Variants in NDST4 observed in about 807,000 individuals in gnomAD.
The protein encoded by NDST4 is N-deacetylase and N-sulfotransferase 4, also known as N-heparan sulfate sulfotransferase 4.
Under a neutral mutation model 100.8 loss-of-function variants are expected in NDST4, and 63 were observed. The ratio of observed to expected loss-of-function variants is 0.62; its 90% CI spans 0.51 to 0.77. The LOEUF is 0.77. NDST4 is among the 30% of genes least tolerant of loss of function. The pLI is 0.00. For missense variants in NDST4, 943 were observed against 1,018.4 expected, an observed-to-expected ratio of 0.93 and a Z score of 1.01; for synonymous variants, 377 against 361.8, an observed-to-expected ratio of 1.04 and a Z score of -0.48.
At chr4:115,003,242 TAA>T (rs980188538) in intron 2 of NDST4, among the ~76,000 whole-genome samples, 2 of 152,012 alleles carry the variant, frequency 1.3e-5, no homozygotes, top group Non-Finnish European at 2.9e-5. Context: ...AACTTAAAGT[TAA>T]AAAGAAGAAG....
Position 114,829,956 on chromosome 4 carries a change from C to A in NDST4, c.2397-64G>T. ...AGAATTTTCAGTGAGACAGCCTCAC[C>A]AATTGAATAAAGGAAATGTATTTTT... On this transcript the variant is annotated intron_variant, in intron 12 of 13. Transcript: ENST00000264363. 3 of 1,099,164 alleles carry A rather than the reference C, an allele frequency of 2.7e-6. 1 individual carries two copies. In the South Asian group the frequency reaches 4.1e-5, roughly 15 times the overall value. The allele number at this position is 1,099,164 out of a possible 1,614,324, so 68.1% of individuals were successfully genotyped here. A position where few individuals can be genotyped will look rare whatever the true frequency, so the allele number is the denominator to read the frequency against.
At chr4:115,039,465 C>T (rs1032608787) in intron 2 of NDST4, among the ~76,000 whole-genome samples, 6 of 151,808 alleles carry the variant, frequency 4.0e-5, no homozygotes, top group Admixed American at 2.0e-4. Context: ...TGGTCAAATC[C>T]GAATTAAGCA....
In NDST4 at chr4:114,966,999, T is replaced by G. The variant is rs1273855071; in HGVS notation, c.1221+3431A>C. On this transcript the variant is annotated intron_variant, in intron 4 of 13. Transcript: ENST00000264363. Reference sequence around the variant, plus strand: ...TTTTATCAGAACTTGTTACTAGCAGTCAAGACTAAAATTTACTCCACCAAT... The same window carrying G: ...TTTTATCAGAACTTGTTACTAGCAGGCAAGACTAAAATTTACTCCACCAAT... Among the ~76,000 whole-genome samples the G allele has an allele frequency of 2.0e-5, 3 of 152,226 alleles. No individual in the cohort carries two copies. The South Asian group carries it at 6.2e-4, about 32-fold the overall frequency.
At chr4:115,041,735 T>C (rs1728355941) in intron 2 of NDST4, among the ~76,000 whole-genome samples, 1 of 147,492 alleles carries the variant, frequency 6.8e-6, no homozygotes. Flanking sequence ...TATTTCTTCC[T>C]GACACATCAC....
intron 2 of NDST4, among the ~76,000 whole-genome samples, chr4:115,039,439 G>GAA (rs33984444): frequency 0.049 from 7,275 of 149,078 alleles, 501 homozygotes; most frequent in African/African-American, 0.15. Flanking sequence ...TACACTGAAA[G>GAA]AAAAAAAAAA....
chr4:114,918,478 C>A (rs1725221034), intron 6 of NDST4, among the ~76,000 whole-genome samples: 1 of 151,028 alleles, frequency 6.6e-6, no homozygotes, highest in African/African-American at 2.4e-5. Context: ...ACCAGCATGG[C>A]ACATGTATAC....
chr4:114,890,751 G>T lies in NDST4; in HGVS notation c.1537-19801C>A, dbSNP rs541487090. On this transcript the variant is annotated intron_variant, in intron 6 of 13. Transcript: ENST00000264363. ...AGTGGTACTCTCATTTGTCCTCAGA[G>T]AATTTTTCCTATTAATTAACCATTC... 2.0e-5 allele frequency among the ~76,000 whole-genome samples: 3 copies of T among 152,120 alleles called. No homozygotes were observed. In the East Asian group the frequency reaches 5.8e-4, roughly 29 times the overall value.
At chr4:114,950,409 G>C (rs1473521106) in intron 4 of NDST4, among the ~76,000 whole-genome samples, 1 of 152,010 alleles carries the variant, frequency 6.6e-6, no homozygotes, top group Non-Finnish European at 1.5e-5. Context: ...ATGAACTACT[G>C]TTCATCATTA....
chr4:115,045,653 A>T (rs1016793324), intron 2 of NDST4, among the ~76,000 whole-genome samples: 5 of 152,150 alleles, frequency 3.3e-5, no homozygotes, highest in Non-Finnish European at 7.4e-5. Flanking sequence ...TTCATTCTGG[A>T]GAGGCCACTG....
At chr4:114,994,360 A>T (rs773134074) in intron 2 of NDST4, among the ~76,000 whole-genome samples, 1 of 152,000 alleles carries the variant, frequency 6.6e-6, no homozygotes, top group Non-Finnish European at 1.5e-5. Flanking sequence ...TTTCTTTGCA[A>T]GTATACATAC....
chr4:114,945,663 C>T (rs1725846382), intron 4 of NDST4, among the ~76,000 whole-genome samples: 1 of 152,178 alleles, frequency 6.6e-6, no homozygotes, highest in South Asian at 2.1e-4. Context: ...GTGCTGGTTT[C>T]TTCTCCTAAA....
chr4:114,909,076 T>G (rs1725010295), intron 6 of NDST4, among the ~76,000 whole-genome samples: 1 of 152,154 alleles, frequency 6.6e-6, no homozygotes, highest in Admixed American at 6.5e-5. Flanking sequence ...TAAAACAGTA[T>G]GGTGATTTCA....
At chr4:115,030,983 C>G (rs576873302) in intron 2 of NDST4, among the ~76,000 whole-genome samples, 3 of 152,212 alleles carry the variant, frequency 2.0e-5, no homozygotes, top group African/African-American at 7.2e-5. Context: ...CATTATTTCT[C>G]TTACAATGTC....
intron 12 of NDST4, among the ~76,000 whole-genome samples, chr4:114,832,380 G>T (rs932606276): frequency 2.0e-5 from 3 of 152,050 alleles, no homozygotes; most frequent in Non-Finnish European, 2.9e-5. Flanking sequence ...CTGCGAACTG[G>T]GAAATTACAT....
In NDST4 at chr4:114,970,824, T is replaced by C. The variant is rs563774951; in HGVS notation, c.1067-240A>G. 7.1e-4 allele frequency among the ~76,000 whole-genome samples: 108 copies of C among 152,272 alleles called. 1 individual carries two copies. Among genetic ancestry groups the C allele is most frequent in the East Asian group, 5.8e-4 (3 of 5,180 alleles). On this transcript the variant is annotated intron_variant, in intron 3 of 13. Transcript: ENST00000264363. ...TCAGACAGTTGTTTAATTTAGAATT[T>C]AAGGGTATTTTATACTCTTACATAT...
chr4:115,069,910 G>T (rs892911477), intron 2 of NDST4, among the ~76,000 whole-genome samples: 1 of 151,960 alleles, frequency 6.6e-6, no homozygotes, highest in African/African-American at 2.4e-5. Flanking sequence ...AAAAATAAAA[G>T]TTAAAAAATA....
intron 2 of NDST4, among the ~76,000 whole-genome samples, chr4:115,035,209 C>T (rs1728207065): frequency 6.6e-6 from 1 of 151,838 alleles, no homozygotes. Context: ...AGGTCTATAC[C>T]ATCAAAAGAC....
At chr4:114,985,186 G>GA (rs1355568021) in intron 2 of NDST4, among the ~76,000 whole-genome samples, 2 of 151,758 alleles carry the variant, frequency 1.3e-5, no homozygotes, top group Non-Finnish European at 2.9e-5. Flanking sequence ...CACTCAATCT[G>GA]AAAAAAAACC....
At chr4:115,028,060 A>G (rs1728027886) in intron 2 of NDST4, among the ~76,000 whole-genome samples, 1 of 133,442 alleles carries the variant, frequency 7.5e-6, no homozygotes. Context: ...AACTCCGTCT[A>G]AAAAAAAAAA....
Sources: gnomAD v4.1 joint callset for allele counts (sites outside exome capture counted in the v4.1 genomes callset) on GRCh38, gnomAD v4.1.1 for gene constraint, MANE v1.5 for transcripts, NCBI Gene and HGNC (gene_info 2026-07-23, HGNC 2026-07-21) for gene names.